The following GPR89B variants were observed in gnomAD, a reference collection of about 807,000 sequenced individuals.
The protein encoded by GPR89B is G protein-coupled receptor 89B.
GPR89B carries 25 observed loss-of-function variants against 52.4 expected under a neutral mutation model. The observed-to-expected ratio is 0.48, with a 90% CI of 0.35 to 0.67. The LOEUF (loss-of-function observed/expected upper bound fraction) is 0.67. Among genes scored for constraint, GPR89B ranks in the 30% least tolerant of loss-of-function variants. GPR89B has a pLI of 0.01. For synonymous variants in GPR89B, 52 were observed against 151.2 expected (o/e 0.34, Z 4.81); for missense variants, 146 against 450.2 (o/e 0.32, Z 6.11).
At chr1:148,008,562 A>C in the GPR89B span, among the ~76,000 whole-genome samples, 1 of 152,194 alleles carries the variant, frequency 6.6e-6, no homozygotes, top group South Asian at 2.1e-4. Context: ...CAGAAAGAAC[A>C]TAGGCAGAGG....
intron 10 of GPR89B, among the ~76,000 whole-genome samples, chr1:147,970,531 CTCTATCTCTA>C (rs1288555019): frequency 7.0e-4 from 99 of 140,528 alleles, no homozygotes; most frequent in East Asian, 1.2e-3. Context: ...CTCTCTCTCT[CTCTATCTCTA>C]TCTCTCTCTC....
chr1:148,013,407 G>C, the GPR89B span, among the ~76,000 whole-genome samples: 1 of 152,034 alleles, frequency 6.6e-6, no homozygotes, highest in Non-Finnish European at 1.5e-5. Context: ...CATCGTCCTC[G>C]AGCATTTCTT....
intron 7 of GPR89B, among the ~76,000 whole-genome samples, chr1:147,965,786 C>T (rs1370645914): frequency 1.8e-4 from 27 of 152,048 alleles, no homozygotes; most frequent in Non-Finnish European, 1.6e-4. Context: ...ACATGTATTG[C>T]GTTCCAAACT....
chr1:147,970,555 A>ATCTC (rs1200595357), intron 10 of GPR89B, among the ~76,000 whole-genome samples: 1 of 76,674 alleles, frequency 1.3e-5, no homozygotes, highest in Non-Finnish European at 2.9e-5. Flanking sequence ...CTCTCTCTCT[A>ATCTC]TCTCTCTCTC....
intron 10 of GPR89B, among the ~76,000 whole-genome samples, chr1:147,971,330 C>T (rs1657449657): frequency 1.3e-5 from 2 of 151,486 alleles, no homozygotes; most frequent in African/African-American, 4.9e-5. Flanking sequence ...TTTTGTATTT[C>T]AGTAGACATG....
At chr1:148,002,657 A>G in the GPR89B span, among the ~76,000 whole-genome samples, 1 of 152,076 alleles carries the variant, frequency 6.6e-6, no homozygotes, top group Admixed American at 6.6e-5. Flanking sequence ...TCTCCCTTAT[A>G]CTGCTCAAAA....
intron 12 of GPR89B, among the ~76,000 whole-genome samples, chr1:147,989,569 T>A (rs1452969254): frequency 6.6e-6 from 1 of 152,140 alleles, no homozygotes; most frequent in South Asian, 2.1e-4. Flanking sequence ...CTCCTAATGC[T>A]GTCCCTCCCC....
chr1:148,021,430 A>T, the GPR89B span, among the ~76,000 whole-genome samples: 3 of 152,012 alleles, frequency 2.0e-5, no homozygotes, highest in African/African-American at 7.3e-5. Flanking sequence ...TGAACCCGGG[A>T]GGCGGAGCTT....
At chr1:148,013,875 C>G in the GPR89B span, among the ~76,000 whole-genome samples, 1 of 151,894 alleles carries the variant, frequency 6.6e-6, no homozygotes, top group African/African-American at 2.4e-5. Context: ...AGGAGGAGGC[C>G]GGTTGAGATA....
chr1:148,019,364 G>A, the GPR89B span, among the ~76,000 whole-genome samples: 4 of 151,118 alleles, frequency 2.6e-5, no homozygotes, highest in Non-Finnish European at 5.9e-5. Flanking sequence ...AGCTGAATGC[G>A]AGAACACATG....
the GPR89B span, among the ~76,000 whole-genome samples, chr1:148,002,486 C>T: frequency 6.6e-6 from 1 of 152,176 alleles, no homozygotes; most frequent in Non-Finnish European, 1.5e-5. Context: ...CTTCCTGGTG[C>T]AACAGAATGA....
intron 2 of GPR89B, among the ~76,000 whole-genome samples, chr1:147,938,109 A>G (rs1472137828): frequency 6.6e-5 from 10 of 152,094 alleles, no homozygotes; most frequent in Non-Finnish European, 1.3e-4. Context: ...TTCCCGCAAC[A>G]CAAGGCTGGT....
At chr1:147,958,121 G>T (rs1393330308) in intron 7 of GPR89B, among the ~76,000 whole-genome samples, 8 of 151,850 alleles carry the variant, frequency 5.3e-5, no homozygotes, top group African/African-American at 1.9e-4. Flanking sequence ...CTAATTATTT[G>T]TCTCTATTTC....
the GPR89B span, among the ~76,000 whole-genome samples, chr1:148,025,515 C>T: frequency 8.3e-5 from 8 of 96,748 alleles, no homozygotes; most frequent in Non-Finnish European, 1.5e-4. Context: ...AAGAACTAAA[C>T]TCTGTCTCAA....
chr1:147,935,609 C>T (rs1186397687), intron 1 of GPR89B, among the ~76,000 whole-genome samples: 2 of 152,118 alleles, frequency 1.3e-5, no homozygotes, highest in Admixed American at 1.3e-4. Context: ...GTAGATTAGG[C>T]AGGATGGTGG....
intron 5 of GPR89B, among the ~76,000 whole-genome samples, chr1:147,950,002 G>T (rs1283986758): frequency 7.0e-6 from 1 of 143,158 alleles, no homozygotes; most frequent in South Asian, 2.2e-4. Flanking sequence ...TCCCGGACGG[G>T]GCGGCTGGCC....
At chr1:148,017,861 A>C in the GPR89B span, among the ~76,000 whole-genome samples, 1 of 149,562 alleles carries the variant, frequency 6.7e-6, no homozygotes, top group Non-Finnish European at 1.5e-5. Context: ...AGTGTAGGAT[A>C]AAAGAGCATA....
In GPR89B at chr1:147,940,353, A is replaced by G. The variant is rs587763008; in HGVS notation, c.206+1536A>G. ...AGGAGGCAGAGCTTGCAGTGAGCCG[A>G]GATTGTGCCACTGCACTCCAGCCTG... On this transcript the variant is annotated intron_variant, in intron 3 of 13. Coordinates refer to ENST00000314163, the MANE Select transcript of GPR89B (RefSeq NM_016334.5). Among the ~76,000 whole-genome samples, 37 of 151,918 alleles carry G rather than the reference A, an allele frequency of 2.4e-4. No individual in the cohort carries two copies. In the South Asian group the frequency reaches 7.5e-3, roughly 31 times the overall value.
intron 10 of GPR89B, among the ~76,000 whole-genome samples, chr1:147,982,281 C>CT (rs1422023989): frequency 1.3e-5 from 2 of 151,616 alleles, no homozygotes; most frequent in East Asian, 1.9e-4. Context: ...AGGCTGGTCT[C>CT]TAACTCCTAA....
Sources: allele counts gnomAD v4.1 joint callset (sites outside exome capture counted in the v4.1 genomes callset), GRCh38; gene constraint gnomAD v4.1.1; transcripts MANE v1.5; gene names NCBI Gene and HGNC (gene_info 2026-07-23, HGNC 2026-07-21).